IL6R: variants seen among roughly 807,000 people sequenced by gnomAD.
IL6R encodes interleukin 6 receptor.
Under a neutral mutation model 48.3 loss-of-function variants are expected in IL6R, and 38 were observed. That is an observed-to-expected ratio of 0.79 (90% CI 0.61 to 1.03). The LOEUF is 1.03. Among genes scored for constraint, IL6R ranks in the 50% least tolerant of loss-of-function variants. The probability of loss-of-function intolerance (pLI) is 0.00; values close to 1 mark genes in which losing one functional copy is unlikely to be tolerated. For missense variants in IL6R, 534 were observed against 618.3 expected, an observed-to-expected ratio of 0.86 and a Z score of 1.45; for synonymous variants, 264 against 256.2, an observed-to-expected ratio of 1.03 and a Z score of -0.29.
Position 154,429,296 on chromosome 1 carries a change from C to T in IL6R, c.186C>T (p.Leu62=), listed in dbSNP as rs1019106367. 6.2e-7 allele frequency: 1 copy of T among 1,614,082 alleles called. No homozygotes were observed. The highest frequency in any genetic ancestry group is 8.5e-7 in the Non-Finnish European group (1 of 1,180,008). The change falls in exon 2 of 10, where the codon CTC becomes CTT. Residue 62 remains leucine (L), a synonymous_variant. Transcript: ENST00000368485. Reference sequence around the variant, plus strand: ...ACAATGCCACTGTTCACTGGGTGCTCAGGAAGCCGGCTGCAGGCTCCCACC... The same window carrying T: ...ACAATGCCACTGTTCACTGGGTGCTTAGGAAGCCGGCTGCAGGCTCCCACC... ...PEDNATVHWV[L]RKPAAGSHPS...
At chr1:154,433,047 C>T (rs78307575) in intron 3 of IL6R, among the ~76,000 whole-genome samples, 3,000 of 152,338 alleles carry the variant, frequency 0.02, 98 homozygotes, top group African/African-American at 0.067. Context: ...TGGGAGGAAG[C>T]GGGCCAACAA....
At chr1:154,443,481 G>T in intron 6 of IL6R, among the ~76,000 whole-genome samples, 1 of 152,164 alleles carries the variant, frequency 6.6e-6, no homozygotes, top group East Asian at 1.9e-4. Context: ...ATTCCACTGG[G>T]GCCCCGCCCA....
At chr1:154,443,581 G>T (rs2149254906) in intron 6 of IL6R, among the ~76,000 whole-genome samples, 1 of 152,318 alleles carries the variant, frequency 6.6e-6, no homozygotes, top group East Asian at 1.9e-4. Context: ...CCCTTGACTA[G>T]CACGACCCTG....
chr1:154,405,827 C>T lies in IL6R; in HGVS notation c.85+113C>T, dbSNP rs1437596137. ...GGGAGGAAAGGAGGTGCGACGGATCCCCTTTTCTGTGGCTGCCTTGAGGCC... is the reference window on the plus strand; with the variant it reads ...GGGAGGAAAGGAGGTGCGACGGATCTCCTTTTCTGTGGCTGCCTTGAGGCC... On this transcript the variant is annotated intron_variant, in intron 1 of 9. Transcript: ENST00000368485. The surrounding 1 kb of genome is among the most constrained non-coding windows in gnomAD (Gnocchi z 5.2). 2.5e-6 allele frequency: 2 copies of T among 813,370 alleles called. No homozygotes were observed. Among genetic ancestry groups the T allele is most frequent in the African/African-American group, 3.7e-5 (2 of 54,402 alleles). The allele number at this position is 813,370 out of a possible 1,614,324, so 50.4% of individuals were successfully genotyped here.
intron 1 of IL6R, among the ~76,000 whole-genome samples, chr1:154,417,477 C>T (rs1276294519): frequency 6.6e-6 from 1 of 152,190 alleles, no homozygotes; most frequent in East Asian, 1.9e-4. Flanking sequence ...GTACCAATGG[C>T]TTTCTTCTAA....
intron 6 of IL6R, among the ~76,000 whole-genome samples, chr1:154,444,208 C>CTT (rs562457712): frequency 0.12 from 16,671 of 138,094 alleles, 1,251 homozygotes; most frequent in South Asian, 0.18. Flanking sequence ...AAGTTGCTAG[C>CTT]TTTTTTTTTT....
chr1:154,448,266 C>A, intron 7 of IL6R, 95 bp downstream of exon 7: 1 of 919,144 alleles, frequency 1.1e-6, no homozygotes, highest in Non-Finnish European at 1.8e-6. Context: ...AAATCCAGTT[C>A]TGTCACTAGT....
intron 9 of IL6R, among the ~76,000 whole-genome samples, chr1:154,460,320 G>C (rs1279332259): frequency 1.3e-5 from 2 of 152,082 alleles, no homozygotes; most frequent in African/African-American, 2.4e-5. Flanking sequence ...AGGTTGGCTG[G>C]TTTCAAAGTC....
Position 154,405,598 on chromosome 1 carries a change from C to T in IL6R, c.-32C>T. 2 of 1,493,448 alleles carry T rather than the reference C, an allele frequency of 1.3e-6. No homozygotes were observed. The highest frequency in any genetic ancestry group is 1.4e-5 in the African/African-American group (1 of 69,946). 92.5% of individuals were successfully genotyped at this position (1,493,448 alleles called of 1,614,324 possible). On this transcript the variant is annotated 5_prime_UTR_variant, in exon 1 of 10. Transcript: ENST00000368485. This position sits in a 1 kb window ranked among gnomAD's most constrained non-coding sequence, Gnocchi z 5.2. ...GTTCCCATTAGCCTGTCCGCCTCTG[C>T]GGGACCATGGAGTGGTAGCCGAGGA...
chr1:154,452,351 G>A (rs755360406), intron 8 of IL6R, among the ~76,000 whole-genome samples: 4 of 151,966 alleles, frequency 2.6e-5, no homozygotes, highest in Non-Finnish European at 4.4e-5. Context: ...CCCTTTCCTC[G>A]CTCTGCCCCA....
chr1:154,445,977 C>A (rs948563192), intron 6 of IL6R, among the ~76,000 whole-genome samples: 2 of 151,996 alleles, frequency 1.3e-5, no homozygotes, highest in African/African-American at 4.8e-5. Context: ...GTTACCCAGG[C>A]TGGTTTCAAA....
At chr1:154,420,201 A>G (rs1258399493) in intron 1 of IL6R, among the ~76,000 whole-genome samples, 3 of 151,870 alleles carry the variant, frequency 2.0e-5, no homozygotes, top group Non-Finnish European at 2.9e-5. Flanking sequence ...CAACTATTAA[A>G]TAATAAATCC....
chr1:154,423,103 A>G (rs1337544250), intron 1 of IL6R, among the ~76,000 whole-genome samples: 2 of 151,656 alleles, frequency 1.3e-5, no homozygotes, highest in Admixed American at 6.6e-5. Context: ...GCAAAGTGGC[A>G]CTGTTTGGCC....
At chr1:154,432,793 A>G (rs1689375011) in intron 3 of IL6R, among the ~76,000 whole-genome samples, 1 of 152,186 alleles carries the variant, frequency 6.6e-6, no homozygotes, top group African/African-American at 2.4e-5. Flanking sequence ...AAGTGAGGAA[A>G]GAGCAGGGGA....
chr1:154,416,026 T>G (rs538980391), intron 1 of IL6R, among the ~76,000 whole-genome samples: 17 of 152,204 alleles, frequency 1.1e-4, no homozygotes, highest in Non-Finnish European at 2.2e-4. Context: ...CAGACTAAAC[T>G]ATTTTTTATT....
chr1:154,431,072 TGTG>T (rs2149238411), intron 3 of IL6R, among the ~76,000 whole-genome samples: 1 of 152,080 alleles, frequency 6.6e-6, no homozygotes, highest in South Asian at 2.1e-4. Context: ...TCTGGGCCCT[TGTG>T]GGCGTATCAG....
chr1:154,423,262 T>TAA (rs1688784805), intron 1 of IL6R, among the ~76,000 whole-genome samples: 1 of 119,448 alleles, frequency 8.4e-6, no homozygotes, highest in Admixed American at 8.5e-5. Flanking sequence ...TTTAATTAAA[T>TAA]ATATATATAT....
chr1:154,421,000 C>T (rs1688629950), intron 1 of IL6R, among the ~76,000 whole-genome samples: 1 of 152,232 alleles, frequency 6.6e-6, no homozygotes, highest in Admixed American at 6.5e-5. Context: ...GGCAATACTG[C>T]CTCCTTTTGT....
chr1:154,430,490 C>G lies in IL6R; in HGVS notation c.342C>G (p.Pro114=), dbSNP rs143961356. ...GCAATGCTTTCCTTTCAGTTCCCCC[C>G]GAGGAGCCCCAGCTCTCCTGCTTCC... ...GTVHLLVDVP[P]EEPQLSCFRK... is the part of the protein sequence containing the mutation. The change falls in exon 3 of 10, where the codon CCC becomes CCG. Residue 114 remains proline (P), a synonymous_variant. Transcript: ENST00000368485. The G allele has an allele frequency of 1.9e-6, 3 of 1,613,498 alleles. No individual in the cohort carries two copies. Among genetic ancestry groups the G allele is most frequent in the Non-Finnish European group, 1.7e-6 (2 of 1,179,912 alleles).
Sources: gnomAD v4.1 joint callset for allele counts (sites outside exome capture counted in the v4.1 genomes callset) on GRCh38, gnomAD v4.1.1 for gene constraint, Gnocchi (gnomAD v3.1) non-coding constraint, MANE v1.5 for transcripts, NCBI Gene and HGNC (gene_info 2026-07-23, HGNC 2026-07-21) for gene names.